Variants in PPARA observed in about 807,000 individuals in gnomAD.
PPARA encodes the protein peroxisome proliferator-activated receptor alpha.
In PPARA, 22 loss-of-function variants were observed where a neutral mutation model predicts 42.2. The observed-to-expected ratio is 0.52, with a 90% CI of 0.37 to 0.74. PPARA has a LOEUF of 0.74. Among genes scored for constraint, PPARA ranks in the 30% least tolerant of loss-of-function variants. PPARA has a pLI of 0.00. For synonymous variants in PPARA, 242 were observed against 239.3 expected (o/e 1.01, Z -0.10); for missense variants, 465 against 608.2 (o/e 0.76, Z 2.48).
rs984700543 is a variant in PPARA at position 46,219,150 on chromosome 22, C to T, written c.509-662C>T. Among the ~76,000 whole-genome samples, 2 of 150,962 alleles carry T rather than the reference C, an allele frequency of 1.3e-5. No individual in the cohort carries two copies. The highest frequency in any genetic ancestry group is 6.6e-5 in the Admixed American group (1 of 15,102). ...GCACTCCAGCCTGGGCGACAGAGTG[C>T]GACTCCGTCTCAAAAAAAAAGAAAA... is the stretch of plus-strand genomic sequence containing the variant. On this transcript the variant is annotated intron_variant, in intron 6 of 8. Coordinates refer to ENST00000407236, the MANE Select transcript of PPARA (RefSeq NM_005036.6). This position sits in a 1 kb window ranked among gnomAD's most constrained non-coding sequence, Gnocchi z 4.8.
rs1353891342 is a variant in PPARA, at chr22:46,203,604, G to C, written c.208+5013G>C. Reference sequence around the variant, plus strand: ...AATTAGGCACGTGGACACGTTGAAGGGTGAGGAGAGCAGTATTGGGCGAAA... The same window carrying C: ...AATTAGGCACGTGGACACGTTGAAGCGTGAGGAGAGCAGTATTGGGCGAAA... On this transcript the variant is annotated intron_variant, in intron 4 of 8. Transcript: ENST00000407236. The surrounding 1 kb of genome is among the most constrained non-coding windows in gnomAD (Gnocchi z 5.8). 6.6e-6 allele frequency among the ~76,000 whole-genome samples: 1 copy of C among 152,174 alleles called. No homozygotes were observed. Among genetic ancestry groups the C allele is most frequent in the Admixed American group, 6.5e-5 (1 of 15,272 alleles).
Position 46,209,935 on chromosome 22 carries a change from G to A in PPARA, c.209-5238G>A, listed in dbSNP as rs190586345. Among the ~76,000 whole-genome samples, 507 of 152,108 alleles carry A rather than the reference G, an allele frequency of 3.3e-3. 2 individuals are homozygous for A. The highest frequency in any genetic ancestry group is 0.011 in the African/African-American group (477 of 41,522). On this transcript the variant is annotated intron_variant, in intron 4 of 8. Coordinates refer to ENST00000407236, the MANE Select transcript of PPARA (RefSeq NM_005036.6). ...TAATTTTTAAATTTTTTGAAGAGAC[G>A]GGTCTCACTTTGTTGCCCAGACTGG...
In PPARA at chr22:46,190,010, C is replaced by T. The variant is rs1931332553; in HGVS notation, c.-42-8332C>T. 6.6e-6 allele frequency among the ~76,000 whole-genome samples: 1 copy of T among 152,120 alleles called. No individual in the cohort carries two copies. The highest frequency in any genetic ancestry group is 6.6e-5 in the Admixed American group (1 of 15,266). On this transcript the variant is annotated intron_variant, in intron 3 of 8. Transcript: ENST00000407236. The surrounding 1 kb of genome is among the most constrained non-coding windows in gnomAD (Gnocchi z 5.6). ...ATGAGCGACTGCGCCCAGCCGTGTT[C>T]ATCTATTTCTGTGAACCGATGCTAG...
At position 46,235,996 on chromosome 22, in the gene PPARA, C is replaced by G. The variant is rs916603965; in HGVS notation, c.*616C>G. The G allele has an allele frequency of 5.8e-5, 9 of 155,744 alleles. No individual in the cohort carries two copies. Among genetic ancestry groups the G allele is most frequent in the African/African-American group, 2.2e-4 (9 of 41,452 alleles). 9.6% of individuals were successfully genotyped at this position (155,744 alleles called of 1,614,324 possible). On this transcript the variant is annotated 3_prime_UTR_variant, in exon 9 of 9. Transcript: ENST00000407236. This position sits in a 1 kb window ranked among gnomAD's most constrained non-coding sequence, Gnocchi z 7.0. The stretch of plus-strand genomic sequence containing the variant: ...AGGCACAGTCGCTCATACTTGTAAT[C>G]CCAGCACTTTGGGAGGCCGAGGCGG...
rs1930125721 is a variant in PPARA at position 46,182,634 on chromosome 22, T to C, written c.-43+5798T>C. On this transcript the variant is annotated intron_variant, in intron 3 of 8. Transcript: ENST00000407236. This position sits in a 1 kb window ranked among gnomAD's most constrained non-coding sequence, Gnocchi z 5.2. ...CTGCGTACTGTCTCGGCTATGATAGTGGTTTCACAGGTTGATACATACGGC... is the reference window on the plus strand; with the variant it reads ...CTGCGTACTGTCTCGGCTATGATAGCGGTTTCACAGGTTGATACATACGGC... 6.6e-6 allele frequency among the ~76,000 whole-genome samples: 1 copy of C among 152,210 alleles called. No individual in the cohort carries two copies. Among genetic ancestry groups the C allele is most frequent in the South Asian group, 2.1e-4 (1 of 4,832 alleles).
At chr22:46,209,939 C>T (rs1165499940) in intron 4 of PPARA, among the ~76,000 whole-genome samples, 2 of 152,122 alleles carry the variant, frequency 1.3e-5, no homozygotes, top group Non-Finnish European at 2.9e-5. Context: ...AGAGACGGGT[C>T]TCACTTTGTT....
At position 46,184,167 on chromosome 22, in the gene PPARA, T is replaced by C. The variant is rs1569205924; in HGVS notation, c.-43+7331T>C. ...TTATTGCAGGGTTGGATCTGAAAAATGGCTGATGATGATTTGATGATGACT... is the reference window on the plus strand; with the variant it reads ...TTATTGCAGGGTTGGATCTGAAAAACGGCTGATGATGATTTGATGATGACT... On this transcript the variant is annotated intron_variant, in intron 3 of 8. Transcript: ENST00000407236. The surrounding 1 kb of genome is among the most constrained non-coding windows in gnomAD (Gnocchi z 4.4). Among the ~76,000 whole-genome samples the C allele has an allele frequency of 1.3e-5, 2 of 152,178 alleles. No homozygotes were observed. The highest frequency in any genetic ancestry group is 2.9e-5 in the Non-Finnish European group (2 of 68,042).
chr22:46,166,293 C>G (rs983635221), intron 2 of PPARA, among the ~76,000 whole-genome samples: 5 of 152,084 alleles, frequency 3.3e-5, no homozygotes, highest in Admixed American at 6.6e-5. Flanking sequence ...CTTTGTCTCT[C>G]AGTGATAAAC....
Position 46,160,358 on chromosome 22 carries a change from G to A in PPARA, c.-127+8388G>A, listed in dbSNP as rs1027003967. 3.9e-5 allele frequency among the ~76,000 whole-genome samples: 6 copies of A among 152,200 alleles called. No homozygotes were observed. Among genetic ancestry groups the A allele is most frequent in the African/African-American group, 1.4e-4 (6 of 41,446 alleles). Reference sequence around the variant, plus strand: ...GTCACCCAGGCCGGAGTGCAGTGGTGCGATCTCAGCTCACTGCAATCTCTG... The same window carrying A: ...GTCACCCAGGCCGGAGTGCAGTGGTACGATCTCAGCTCACTGCAATCTCTG... On this transcript the variant is annotated intron_variant, in intron 2 of 8. Coordinates refer to ENST00000407236, the MANE Select transcript of PPARA (RefSeq NM_005036.6). The surrounding 1 kb of genome is among the most constrained non-coding windows in gnomAD (Gnocchi z 4.5).
At position 46,161,291 on chromosome 22, in the gene PPARA, G is replaced by C. The variant is rs1461535651; in HGVS notation, c.-127+9321G>C. On this transcript the variant is annotated intron_variant, in intron 2 of 8. Coordinates refer to ENST00000407236, the MANE Select transcript of PPARA (RefSeq NM_005036.6). This position sits in a 1 kb window ranked among gnomAD's most constrained non-coding sequence, Gnocchi z 4.8. Reference sequence around the variant, plus strand: ...GGATGTGTGCCCAATTATGGTATCAGGTCTGTTGTAGACTCTTCAAGGAGG... The same window carrying C: ...GGATGTGTGCCCAATTATGGTATCACGTCTGTTGTAGACTCTTCAAGGAGG... Among the ~76,000 whole-genome samples, 1 of 152,142 alleles carries C rather than the reference G, an allele frequency of 6.6e-6. No individual in the cohort carries two copies. Among genetic ancestry groups the C allele is most frequent in the African/African-American group, 2.4e-5 (1 of 41,426 alleles).
intron 7 of PPARA, among the ~76,000 whole-genome samples, chr22:46,226,576 C>T (rs1935472028): frequency 6.6e-6 from 1 of 152,178 alleles, no homozygotes; most frequent in Non-Finnish European, 1.5e-5. Context: ...ATTTTACCCT[C>T]TGAGAATAGA....
Position 46,185,942 on chromosome 22 carries a change from TATATATATATATATATATATATAC to T in PPARA, c.-43+9108_-43+9131del, listed in dbSNP as rs71190702. On this transcript the variant is annotated intron_variant, in intron 3 of 8. Transcript: ENST00000407236. Reference sequence around the variant, plus strand: ...ATATATATATATATATATATATATATATATATATATATATATATATATACACACACACTAACCTTCAGCATATAG... The same window carrying T: ...ATATATATATATATATATATATATATACACACACTAACCTTCAGCATATAG... Among the ~76,000 whole-genome samples the T allele has an allele frequency of 9.1e-3, 446 of 48,898 alleles. 33 individuals are homozygous for T. The highest frequency in any genetic ancestry group is 0.015 in the Non-Finnish European group (369 of 24,260). 32.1% of individuals were successfully genotyped at this position (48,898 alleles called of 152,430 possible).
chr22:46,206,043 G>T (rs1933269878), intron 4 of PPARA, among the ~76,000 whole-genome samples: 1 of 151,828 alleles, frequency 6.6e-6, no homozygotes, highest in Non-Finnish European at 1.5e-5. Context: ...TCTTTGTTTT[G>T]TTCCCTTTTC....
rs1189287317 is a variant in PPARA at position 46,221,431 on chromosome 22, T to G, written c.711+1417T>G. Among the ~76,000 whole-genome samples the G allele has an allele frequency of 1.3e-5, 2 of 152,160 alleles. No individual in the cohort carries two copies. ...GGTCCTTTCTCCTAAAACTACTCCC[T>G]CCCTCTCAGACAAACATGCCTACAT... On this transcript the variant is annotated intron_variant, in intron 7 of 8. Coordinates refer to ENST00000407236, the MANE Select transcript of PPARA (RefSeq NM_005036.6). The surrounding 1 kb of genome is among the most constrained non-coding windows in gnomAD (Gnocchi z 5.9).
rs1351909378 is a variant in PPARA at position 46,221,401 on chromosome 22, C to T, written c.711+1387C>T. ...CCACTTACTTCCCACTCAAAATGTGCTCTTGGTCCTTTCTCCTAAAACTAC... is the reference window on the plus strand; with the variant it reads ...CCACTTACTTCCCACTCAAAATGTGTTCTTGGTCCTTTCTCCTAAAACTAC... On this transcript the variant is annotated intron_variant, in intron 7 of 8. Coordinates refer to ENST00000407236, the MANE Select transcript of PPARA (RefSeq NM_005036.6). The surrounding 1 kb of genome is among the most constrained non-coding windows in gnomAD (Gnocchi z 5.9). Among the ~76,000 whole-genome samples, 7 of 152,204 alleles carry T rather than the reference C, an allele frequency of 4.6e-5. No homozygotes were observed. Among genetic ancestry groups the T allele is most frequent in the Non-Finnish European group, 1.0e-4 (7 of 68,030 alleles).
rs1220214896 is a variant in PPARA at position 46,207,668 on chromosome 22, ATTATTATTATTTTTTTTT to A, written c.209-7502_209-7485del. Among the ~76,000 whole-genome samples the A allele has an allele frequency of 9.7e-3, 772 of 79,690 alleles. 6 individuals carry two copies. The highest frequency in any genetic ancestry group is 0.04 in the African/African-American group (740 of 18,648). 52.3% of individuals were successfully genotyped at this position (79,690 alleles called of 152,430 possible). The stretch of plus-strand genomic sequence containing the variant: ...ATTTATTATTATTATTATTATTATT[ATTATTATTATTTTTTTTT>A]TTTTTTTTTTTTTTAGAGACAGGGT... On this transcript the variant is annotated intron_variant, in intron 4 of 8. Transcript: ENST00000407236.
Position 46,242,011 on chromosome 22 carries a change from ATTTTTT to A in PPARA, c.*6634_*6639del, listed in dbSNP as rs1314832617. The A allele has an allele frequency of 2.0e-5, 3 of 151,006 alleles. No individual in the cohort carries two copies. Among genetic ancestry groups the A allele is most frequent in the Non-Finnish European group, 4.4e-5 (3 of 67,844 alleles). 9.4% of individuals were successfully genotyped at this position (151,006 alleles called of 1,614,324 possible). On this transcript the variant is annotated 3_prime_UTR_variant, in exon 9 of 9. Transcript: ENST00000407236. The surrounding 1 kb of genome is among the most constrained non-coding windows in gnomAD (Gnocchi z 6.1). ...GGGGGGTCAGCTTTTATTTTATTTT[ATTTTTT>A]TTAAGTTTGCTAGTTGGGTCAAATG...
At chr22:46,169,310 C>T (rs1927608039) in intron 2 of PPARA, among the ~76,000 whole-genome samples, 1 of 151,976 alleles carries the variant, frequency 6.6e-6, no homozygotes, top group African/African-American at 2.4e-5. Flanking sequence ...TCTCGGCTCA[C>T]TGCAAGCTCC....
chr22:46,242,319 C>G lies in PPARA; in HGVS notation c.*6939C>G, dbSNP rs45576140. 0.1 allele frequency: 15,191 copies of G among 152,650 alleles called. 824 individuals are homozygous for G. Among genetic ancestry groups the G allele is most frequent in the Non-Finnish European group, 0.11 (7,657 of 68,008 alleles). The allele number at this position is 152,650 out of a possible 1,614,324, so 9.5% of individuals were successfully genotyped here. A position where few individuals can be genotyped will look rare whatever the true frequency, so the allele number is the denominator to read the frequency against. ...AGGGTCAGCCTTCAGGCCCCGGAGA[C>G]GAGTGACTGGCCGATCATTTCACAA... On this transcript the variant is annotated 3_prime_UTR_variant, in exon 9 of 9. Coordinates refer to ENST00000407236, the MANE Select transcript of PPARA (RefSeq NM_005036.6). This position sits in a 1 kb window ranked among gnomAD's most constrained non-coding sequence, Gnocchi z 6.1.
Sources: allele counts gnomAD v4.1 joint callset (sites outside exome capture counted in the v4.1 genomes callset), GRCh38; gene constraint gnomAD v4.1.1; non-coding constraint Gnocchi (gnomAD v3.1); transcripts MANE v1.5; gene names NCBI Gene and HGNC (gene_info 2026-07-23, HGNC 2026-07-21).